Variants in ARHGAP21 observed in about 807,000 individuals in gnomAD.
ARHGAP21 encodes the protein rho GTPase-activating protein 21.
In ARHGAP21, 38 loss-of-function variants were observed where a neutral mutation model predicts 164.6. That is an observed-to-expected ratio of 0.23 (90% confidence interval 0.18 to 0.30). ARHGAP21 has a LOEUF of 0.30. Ranked by LOEUF, ARHGAP21 falls within the 10% of genes least tolerant of loss-of-function variation. ARHGAP21 has a pLI of 1.00. For synonymous variants in ARHGAP21, 766 were observed against 857.9 expected, an observed-to-expected ratio of 0.89 and a Z score of 1.87; for missense variants, 1,822 against 2,370.7, an observed-to-expected ratio of 0.77 and a Z score of 4.81.
At chr10:24,717,584 A>G (rs1423777109) in intron 2 of ARHGAP21, among the ~76,000 whole-genome samples, 1 of 152,146 alleles carries the variant, frequency 6.6e-6, no homozygotes, top group Admixed American at 6.5e-5. Context: ...GGAACAGGGG[A>G]CAGTAGAGGG....
chr10:24,631,803 C>A (rs111694028), intron 6 of ARHGAP21, among the ~76,000 whole-genome samples: 1 of 152,106 alleles, frequency 6.6e-6, no homozygotes, highest in African/African-American at 2.4e-5. Flanking sequence ...CTTGATTAAC[C>A]TCACTTGACT....
At chr10:24,589,107 A>G (rs1156417572) in intron 25 of ARHGAP21, among the ~76,000 whole-genome samples, 164 bp downstream of exon 25, 1 of 152,146 alleles carries the variant, frequency 6.6e-6, no homozygotes, top group Non-Finnish European at 1.5e-5. Flanking sequence ...CTCAAAATCT[A>G]GTATTCTTCT....
intron 4 of ARHGAP21, among the ~76,000 whole-genome samples, chr10:24,638,087 G>A (rs1050112018): frequency 6.6e-6 from 1 of 151,820 alleles, no homozygotes; most frequent in Non-Finnish European, 1.5e-5. Flanking sequence ...GGCCGGTCTC[G>A]AACTCCTGAC....
Position 24,607,516 on chromosome 10 carries a change from G to A in ARHGAP21, c.2667C>T (p.Tyr889=), listed in dbSNP as rs1292644957. Residue 889 remains tyrosine (Y), a synonymous_variant, in exon 11 of 26, where the codon TAC becomes TAT. Transcript: ENST00000396432. ...SKSYDEGLDD[Y]REDAKLSFKH... Reference sequence around the variant, plus strand: ...AGACTTACAATTTTGCATCTTCTCTGTAATCATCCAGACCCTCATCATATG... The same window carrying A: ...AGACTTACAATTTTGCATCTTCTCTATAATCATCCAGACCCTCATCATATG... The A allele has an allele frequency of 6.2e-7, 1 of 1,613,202 alleles. No individual in the cohort carries two copies. The highest frequency in any genetic ancestry group is 8.5e-7 in the Non-Finnish European group (1 of 1,179,938).
In ARHGAP21 at chr10:24,620,085, C is replaced by T; in HGVS notation, c.1810G>A (p.Gly604Arg). The change falls in exon 9 of 26, where the codon GGA becomes AGA. Residue 604 changes from glycine to arginine, a missense_variant. Transcript: ENST00000396432. Reference sequence around the variant, plus strand: ...GAAATACCCCGAGGCAGTGACATTCCACAAGTAGTCTGAAAATTTCTGTTT... The same window carrying T: ...GAAATACCCCGAGGCAGTGACATTCTACAAGTAGTCTGAAAATTTCTGTTT... ...QSNRNFQTTC[G>R]MSLPRGISQD... The T allele has an allele frequency of 6.2e-7, 1 of 1,613,918 alleles. No individual in the cohort carries two copies. The highest frequency in any genetic ancestry group is 8.5e-7 in the Non-Finnish European group (1 of 1,179,864).
chr10:24,591,149 A>G (rs2076312578), intron 24 of ARHGAP21, 76 bp downstream of exon 24: 3 of 1,245,484 alleles, frequency 2.4e-6, no homozygotes, highest in African/African-American at 1.5e-5. Context: ...ACAATTCACT[A>G]TGATTGATTT....
intron 15 of ARHGAP21, 121 bp downstream of exon 15, chr10:24,597,824 T>G (rs2076650619): frequency 3.4e-6 from 4 of 1,161,198 alleles, no homozygotes; most frequent in Non-Finnish European, 4.9e-6. Flanking sequence ...GTAGAGAGGA[T>G]TTGGTACTAT....
intron 5 of ARHGAP21, among the ~76,000 whole-genome samples, chr10:24,634,501 C>A (rs1275952077): frequency 6.6e-6 from 1 of 152,144 alleles, no homozygotes; most frequent in East Asian, 1.9e-4. Flanking sequence ...CATTTTAGAA[C>A]AAACAGCTAC....
intron 24 of ARHGAP21, 114 bp downstream of exon 24, chr10:24,591,111 G>T: frequency 9.4e-7 from 1 of 1,062,240 alleles, no homozygotes; most frequent in Non-Finnish European, 1.3e-6. Context: ...TAGTAGAAAG[G>T]AAGAGAAAAA....
chr10:24,664,068 C>T (rs1157008981), intron 4 of ARHGAP21, among the ~76,000 whole-genome samples: 2 of 152,370 alleles, frequency 1.3e-5, no homozygotes, highest in Admixed American at 1.3e-4. Flanking sequence ...ACTTTAAAAA[C>T]AGCCATAGGA....
At chr10:24,675,029 TTTC>T (rs1841077045) in intron 2 of ARHGAP21, among the ~76,000 whole-genome samples, 1 of 152,156 alleles carries the variant, frequency 6.6e-6, no homozygotes, top group Non-Finnish European at 1.5e-5. Context: ...AGTCTGACAG[TTTC>T]TTAAGTTAAA....
chr10:24,597,007 T>C, intron 16 of ARHGAP21, 125 bp from the exon 17 acceptor site: 1 of 980,078 alleles, frequency 1.0e-6, no homozygotes. Flanking sequence ...TAATACATCC[T>C]ATATTTAACA....
intron 3 of ARHGAP21, among the ~76,000 whole-genome samples, chr10:24,668,937 A>C (rs1479330969): frequency 6.6e-6 from 1 of 152,228 alleles, no homozygotes; most frequent in Non-Finnish European, 1.5e-5. Flanking sequence ...AAGACAAAAA[A>C]TACACAATCC....
At chr10:24,607,964 C>G (rs1199259502) in intron 9 of ARHGAP21, 61 bp from the exon 10 acceptor site, 7 of 1,468,256 alleles carry the variant, frequency 4.8e-6, no homozygotes, top group Non-Finnish European at 6.4e-6. Context: ...TAATAAAACT[C>G]AGTCAATAAT....
intron 9 of ARHGAP21, among the ~76,000 whole-genome samples, chr10:24,611,762 C>T (rs552412526): frequency 6.6e-6 from 1 of 152,146 alleles, no homozygotes; most frequent in African/African-American, 2.4e-5. Context: ...CTCTTGATGT[C>T]ATTACTTGGG....
chr10:24,609,151 G>A (rs2077152205), intron 9 of ARHGAP21, among the ~76,000 whole-genome samples: 1 of 152,184 alleles, frequency 6.6e-6, no homozygotes, highest in Non-Finnish European at 1.5e-5. Flanking sequence ...GACTCATGCA[G>A]TATGAATACA....
intron 2 of ARHGAP21, among the ~76,000 whole-genome samples, chr10:24,685,900 A>G (rs1842168395): frequency 6.6e-6 from 1 of 152,162 alleles, no homozygotes; most frequent in Non-Finnish European, 1.5e-5. Context: ...GACACTGAAG[A>G]AAAGATATTA....
intron 4 of ARHGAP21, among the ~76,000 whole-genome samples, chr10:24,647,623 ATACCCCAG>A (rs1837707688): frequency 6.6e-6 from 1 of 152,200 alleles, no homozygotes; most frequent in African/African-American, 2.4e-5. Context: ...ATCATTAGAA[ATACCCCAG>A]TGCACCTCCC....
At chr10:24,707,531 C>T (rs912815187) in intron 2 of ARHGAP21, among the ~76,000 whole-genome samples, 4 of 152,162 alleles carry the variant, frequency 2.6e-5, no homozygotes, top group Non-Finnish European at 4.4e-5. Flanking sequence ...TCCAAATCTG[C>T]GTGACTAAAC....
Sources: allele counts gnomAD v4.1 joint callset (sites outside exome capture counted in the v4.1 genomes callset), GRCh38; gene constraint gnomAD v4.1.1; transcripts MANE v1.5; gene names NCBI Gene and HGNC (gene_info 2026-07-23, HGNC 2026-07-21).